Variants in HDAC9 observed in about 807,000 individuals in gnomAD.
The protein encoded by HDAC9 is histone deacetylase 9.
Under a neutral mutation model 139.4 loss-of-function variants are expected in HDAC9, and 41 were observed. The ratio of observed to expected loss-of-function variants is 0.29; its 90% CI spans 0.23 to 0.38. The LOEUF is 0.38. Ranked by LOEUF, HDAC9 falls within the 10% of genes least tolerant of loss-of-function variation. The pLI, the probability that HDAC9 is intolerant of heterozygous loss-of-function variation, is 1.00. For missense variants in HDAC9, 1,147 were observed against 1,297.0 expected (o/e 0.88, Z 1.78); for synonymous variants, 517 against 476.2 (o/e 1.09, Z -1.12).
At chr7:18,543,359 TAG>T (rs980808769) in intron 2 of HDAC9, 11 of 152,398 alleles carry the variant, frequency 7.2e-5, no homozygotes, top group Middle Eastern at 3.4e-3. Context: ...TTCACTCGCC[TAG>T]AGTTTCCTCA....
chr7:18,620,481 G>A (rs1209225143), intron 6 of HDAC9, among the ~76,000 whole-genome samples: 1 of 149,164 alleles, frequency 6.7e-6, no homozygotes, highest in Non-Finnish European at 1.5e-5. Flanking sequence ...ACTAAAAGTA[G>A]TACTAAAAAC....
chr7:18,234,314 G>A (rs1793672232), intron 2 of HDAC9, among the ~76,000 whole-genome samples: 1 of 152,178 alleles, frequency 6.6e-6, no homozygotes, highest in Non-Finnish European at 1.5e-5. Flanking sequence ...GTAAAAAGCA[G>A]TGACTGATAA....
At chr7:18,475,622 C>T (rs761820726) in intron 1 of HDAC9, among the ~76,000 whole-genome samples, 6 of 152,112 alleles carry the variant, frequency 3.9e-5, no homozygotes, top group Non-Finnish European at 7.4e-5. Context: ...GCCGCCCCAG[C>T]CCATGCAGCT....
intron 2 of HDAC9, among the ~76,000 whole-genome samples, chr7:18,212,058 A>G (rs1490223901): frequency 6.6e-6 from 1 of 152,196 alleles, no homozygotes; most frequent in Admixed American, 6.5e-5. Flanking sequence ...AGGCTTATAA[A>G]AATTAGAATG....
At chr7:18,125,310 G>T (rs1784590918) in intron 1 of HDAC9, among the ~76,000 whole-genome samples, 1 of 152,052 alleles carries the variant, frequency 6.6e-6, no homozygotes, top group African/African-American at 2.4e-5. Context: ...CAACATCAAA[G>T]GTTTTGGGGC....
intron 1 of HDAC9, among the ~76,000 whole-genome samples, chr7:18,423,452 G>A (rs1789826610): frequency 6.6e-6 from 1 of 152,188 alleles, no homozygotes; most frequent in South Asian, 2.1e-4. Context: ...GATGCTTAAA[G>A]CAGTGGCTTA....
intron 1 of HDAC9, among the ~76,000 whole-genome samples, chr7:18,115,570 A>G (rs1482585435): frequency 6.6e-6 from 1 of 152,180 alleles, no homozygotes; most frequent in East Asian, 1.9e-4. Flanking sequence ...ATATTATTTT[A>G]TATCCTTGAG....
chr7:18,701,677 A>C (rs948862545), intron 12 of HDAC9, among the ~76,000 whole-genome samples: 1 of 152,240 alleles, frequency 6.6e-6, no homozygotes, highest in Non-Finnish European at 1.5e-5. Flanking sequence ...ACTTTGAATA[A>C]TTAGTAGATA....
intron 1 of HDAC9, among the ~76,000 whole-genome samples, chr7:18,471,463 T>C (rs550086258): frequency 6.6e-6 from 1 of 152,362 alleles, no homozygotes; most frequent in South Asian, 2.1e-4. Flanking sequence ...CATTCATGGT[T>C]CCAAAGCAAC....
intron 1 of HDAC9, among the ~76,000 whole-genome samples, chr7:18,440,176 C>CTCTTTTTTTTT (rs991042847): frequency 6.7e-6 from 1 of 149,488 alleles, no homozygotes; most frequent in East Asian, 2.0e-4. Flanking sequence ...CTAGGTTTAC[C>CTCTTTTTTTTT]TCTTTTTTTT....
intron 2 of HDAC9, among the ~76,000 whole-genome samples, chr7:18,171,430 C>G (rs545440720): frequency 3.2e-4 from 48 of 152,178 alleles, no homozygotes; most frequent in Middle Eastern, 6.8e-3. Context: ...AATTGAATAC[C>G]CTTTATTTCT....
At chr7:18,593,801 G>A in intron 5 of HDAC9, 107 bp from the exon 6 acceptor site, 2 of 1,165,202 alleles carry the variant, frequency 1.7e-6, no homozygotes, top group Admixed American at 1.9e-5. Flanking sequence ...AGGAGAAAGA[G>A]CATAAACATA....
chr7:18,899,561 C>G (rs904352296), intron 22 of HDAC9: 1 of 151,830 alleles, frequency 6.6e-6, no homozygotes, highest in Non-Finnish European at 1.5e-5. Context: ...AGATTTTAAT[C>G]ATTTGGTTTA....
intron 25 of HDAC9, among the ~76,000 whole-genome samples, chr7:18,990,970 G>T (rs1040544236): frequency 1.3e-5 from 2 of 152,232 alleles, no homozygotes; most frequent in Non-Finnish European, 2.9e-5. Context: ...GATGAACCCG[G>T]TACCTCAGAT....
At chr7:18,895,634 T>C (rs1411621067) in intron 22 of HDAC9, among the ~76,000 whole-genome samples, 2 of 152,150 alleles carry the variant, frequency 1.3e-5, no homozygotes, top group African/African-American at 2.4e-5. Context: ...GTTATCTTTT[T>C]ATGAAAGAAG....
At chr7:18,875,718 T>C (rs1406396376) in intron 22 of HDAC9, among the ~76,000 whole-genome samples, 1 of 152,174 alleles carries the variant, frequency 6.6e-6, no homozygotes, top group Admixed American at 6.5e-5. Flanking sequence ...AGGTGTTTGC[T>C]GAGATTAAAT....
chr7:18,780,169 A>T (rs997239218), intron 16 of HDAC9, among the ~76,000 whole-genome samples: 1 of 151,948 alleles, frequency 6.6e-6, no homozygotes, highest in Non-Finnish European at 1.5e-5. Flanking sequence ...AAGACCATGG[A>T]CTCACAAATC....
At chr7:18,320,223 T>G (rs1799933040) in intron 1 of HDAC9, among the ~76,000 whole-genome samples, 2 of 152,216 alleles carry the variant, frequency 1.3e-5, no homozygotes. Flanking sequence ...GAGATTAATT[T>G]GGGTTGATCA....
chr7:18,864,502 T>G (rs1417323242), intron 21 of HDAC9, among the ~76,000 whole-genome samples: 1 of 151,970 alleles, frequency 6.6e-6, no homozygotes, highest in African/African-American at 2.4e-5. Flanking sequence ...TGTAGGATGA[T>G]GAAGTTCTAG....
Sources: allele counts gnomAD v4.1 joint callset (sites outside exome capture counted in the v4.1 genomes callset), GRCh38; gene constraint gnomAD v4.1.1; transcripts MANE v1.5; gene names NCBI Gene and HGNC (gene_info 2026-07-23, HGNC 2026-07-21).